Variants in ZBED6 observed in about 807,000 individuals in gnomAD.
ZBED6 encodes zinc finger BED domain-containing protein 6.
In ZBED6, 40 loss-of-function variants were observed where a neutral mutation model predicts 58.4. The observed-to-expected ratio is 0.68, with a 90% CI of 0.53 to 0.89. The LOEUF is 0.89. Among genes scored for constraint, ZBED6 ranks in the 40% least tolerant of loss-of-function variants. ZBED6 has a pLI of 0.00. For synonymous variants in ZBED6, 439 were observed against 350.6 expected, an observed-to-expected ratio of 1.25 and a Z score of -2.82; for missense variants, 1,057 against 1,003.9, an observed-to-expected ratio of 1.05 and a Z score of -0.71.
At chr1:203,814,940 C>T (rs1036069060) in intron 1 of ZBED6, 9 of 152,026 alleles carry the variant, frequency 5.9e-5, no homozygotes, top group African/African-American at 2.2e-4. Flanking sequence ...AGAAGTTTCC[C>T]TACCTTAGGC....
chr1:203,811,056 G>T (rs1157112073), intron 1 of ZBED6, among the ~76,000 whole-genome samples: 1 of 150,958 alleles, frequency 6.6e-6, no homozygotes, highest in Non-Finnish European at 1.5e-5. Flanking sequence ...CAAGAGAATC[G>T]CTTGAAACCA....
rs374817629 is a variant in ZBED6, at chr1:203,849,918, C to A, written c.*4530C>A. ...AGGAATCACACGGCACCTGACCAAG[C>A]GGCTTCCCACAAAGTCATCCCAGAA... is the stretch of plus-strand genomic sequence containing the variant. On this transcript the variant is annotated 3_prime_UTR_variant, in exon 14 of 17. Coordinates refer to ENST00000550078, the Ensembl canonical transcript of ZBED6. The A allele has an allele frequency of 1.1e-5, 17 of 1,614,064 alleles. No individual in the cohort carries two copies. In the South Asian group the frequency reaches 1.5e-4, roughly 15 times the overall value.
At chr1:203,847,469 C>A in exon 12 of ZBED6, 1 of 1,613,872 alleles carries the variant, frequency 6.2e-7, no homozygotes, top group South Asian at 1.1e-5. Context: ...ATTAAAAAAA[C>A]AGTAGTTTTG....
Position 203,800,159 on chromosome 1 carries a change from A to T in ZBED6, c.2637A>T (p.Ser879=), listed in dbSNP as rs747663682. 23 of 1,533,870 alleles carry T rather than the reference A, an allele frequency of 1.5e-5. No individual in the cohort carries two copies. The African/African-American group carries it at 3.0e-4, about 20-fold the overall frequency. Residue 879 remains serine, a synonymous_variant, in exon 1 of 17, where the codon TCA becomes TCT. Transcript: ENST00000550078. Reference sequence around the variant, plus strand: ...TCAAAGAGAAGTATTCAGAGTTCTCAGGAGGTGATGACCCTTTAATTTACT... The same window carrying T: ...TCAAAGAGAAGTATTCAGAGTTCTCTGGAGGTGATGACCCTTTAATTTACT...
At chr1:203,843,317 T>C (rs958255817) in intron 11 of ZBED6, among the ~76,000 whole-genome samples, 2 of 152,210 alleles carry the variant, frequency 1.3e-5, no homozygotes, top group Admixed American at 1.3e-4. Flanking sequence ...AGATTTGTCT[T>C]TAGCTCTAGA....
chr1:203,842,334 C>T (rs1255386194), intron 11 of ZBED6, among the ~76,000 whole-genome samples: 2 of 152,202 alleles, frequency 1.3e-5, no homozygotes, highest in Non-Finnish European at 2.9e-5. Context: ...AGCGAGACTC[C>T]GTCTGCAATC....
chr1:203,840,895 A>G (rs1321562185), intron 11 of ZBED6, among the ~76,000 whole-genome samples: 5 of 152,132 alleles, frequency 3.3e-5, no homozygotes, highest in Non-Finnish European at 5.9e-5. Context: ...CAGCCTCCCA[A>G]AATCCTGGGA....
At chr1:203,813,428 T>G (rs902296852) in intron 1 of ZBED6, among the ~76,000 whole-genome samples, 1 of 152,198 alleles carries the variant, frequency 6.6e-6, no homozygotes, top group Non-Finnish European at 1.5e-5. Context: ...GTATTTAAGT[T>G]GTTATCCATG....
chr1:203,829,940 C>G (rs1681718625), intron 6 of ZBED6, 44 bp downstream of exon 6: 1 of 1,552,048 alleles, frequency 6.4e-7, no homozygotes, highest in African/African-American at 1.4e-5. Flanking sequence ...ACTGTTGAAA[C>G]TACCTTTGAA....
At chr1:203,850,810 G>T in intron 15 of ZBED6, 129 bp downstream of exon 15, 1 of 1,318,208 alleles carries the variant, frequency 7.6e-7, no homozygotes, top group Non-Finnish European at 1.0e-6. Context: ...AGTAATTTGG[G>T]TTACTACTGT....
At chr1:203,852,253 G>A in exon 17 of ZBED6, 1 of 1,613,528 alleles carries the variant, frequency 6.2e-7, no homozygotes, top group Non-Finnish European at 8.5e-7. Flanking sequence ...TGCCTCAACA[G>A]GAAAGCCCCC....
intron 1 of ZBED6, among the ~76,000 whole-genome samples, chr1:203,816,090 A>T (rs1676282617): frequency 6.6e-6 from 1 of 152,200 alleles, no homozygotes; most frequent in African/African-American, 2.4e-5. Context: ...TTCATCAGTT[A>T]TTCTAGCTAA....
chr1:203,840,452 GT>G, intron 11 of ZBED6, 78 bp downstream of exon 11: 1 of 1,421,780 alleles, frequency 7.0e-7, no homozygotes, highest in Non-Finnish European at 9.7e-7. Context: ...AGATTTACCT[GT>G]TGCTTGCTAG....
chr1:203,832,509 C>T (rs34831695), intron 8 of ZBED6, among the ~76,000 whole-genome samples: 14,634 of 151,976 alleles, frequency 0.096, 998 homozygotes, highest in Non-Finnish European at 0.14. Context: ...TATAGGCACC[C>T]GCCACCACGC....
chr1:203,811,571 A>G (rs764894363), intron 1 of ZBED6, among the ~76,000 whole-genome samples: 3 of 151,888 alleles, frequency 2.0e-5, no homozygotes, highest in Non-Finnish European at 4.4e-5. Flanking sequence ...TGCAGTGGCA[A>G]GATTGTGGCT....
In ZBED6 at chr1:203,830,058, G is replaced by A. The variant is rs1310322273; in HGVS notation, c.*3319-65G>A. On this transcript the variant is annotated intron_variant, in intron 6 of 16. Coordinates refer to ENST00000550078, the Ensembl canonical transcript of ZBED6. Reference sequence around the variant, plus strand: ...TTATTCAAAAATAAATGCCTGCTATGTACAGATAAAATACAAAGATGAAAA... The same window carrying A: ...TTATTCAAAAATAAATGCCTGCTATATACAGATAAAATACAAAGATGAAAA... The A allele has an allele frequency of 4.3e-6, 6 of 1,401,970 alleles. No homozygotes were observed. The East Asian group carries it at 1.1e-4, about 27-fold the overall frequency. The allele number at this position is 1,401,970 out of a possible 1,614,324, so 86.8% of individuals were successfully genotyped here. A position where few individuals can be genotyped will look rare whatever the true frequency, so the allele number is the denominator to read the frequency against.
exon 12 of ZBED6, chr1:203,847,581 G>C: frequency 6.2e-7 from 1 of 1,613,774 alleles, no homozygotes. Context: ...TTAAACTGGA[G>C]AAGGCACTGA....
At chr1:203,845,027 T>C (rs1687506520) in intron 11 of ZBED6, among the ~76,000 whole-genome samples, 1 of 152,122 alleles carries the variant, frequency 6.6e-6, no homozygotes, top group Admixed American at 6.5e-5. Context: ...AATGGTTATG[T>C]CAGATCCCAC....
chr1:203,799,262 T>A (rs1389878353), exon 1 of ZBED6: 3 of 757,986 alleles, frequency 4.0e-6, no homozygotes, highest in Non-Finnish European at 6.9e-6. Flanking sequence ...GTTTTACCCA[T>A]GTGCCATGCT....
Sources: gnomAD v4.1 joint callset for allele counts (sites outside exome capture counted in the v4.1 genomes callset) on GRCh38, gnomAD v4.1.1 for gene constraint, MANE v1.5 for transcripts, NCBI Gene and HGNC (gene_info 2026-07-23, HGNC 2026-07-21) for gene names.